The following CCSER1 variants were observed in gnomAD, a reference collection of about 807,000 sequenced individuals.
CCSER1 encodes serine-rich coiled-coil domain-containing protein 1.
CCSER1 carries 41 observed loss-of-function variants against 82.0 expected under a neutral mutation model. The observed-to-expected ratio is 0.50, with a 90% CI of 0.39 to 0.65. The LOEUF (loss-of-function observed/expected upper bound fraction) is 0.65. Among genes scored for constraint, CCSER1 ranks in the 30% least tolerant of loss-of-function variants. The probability of loss-of-function intolerance (pLI) is 0.00; values close to 1 mark genes in which losing one functional copy is unlikely to be tolerated. For synonymous variants in CCSER1, 414 were observed against 383.9 expected, an observed-to-expected ratio of 1.08 and a Z score of -0.92; for missense variants, 1,119 against 1,064.2, an observed-to-expected ratio of 1.05 and a Z score of -0.72.
chr4:90,922,404 A>T (rs757129959), intron 8 of CCSER1, among the ~76,000 whole-genome samples: 1 of 152,006 alleles, frequency 6.6e-6, no homozygotes, highest in Non-Finnish European at 1.5e-5. Context: ...AACCATTGTC[A>T]ATCCTGGGAA....
Position 91,103,225 on chromosome 4 carries a change from T to A in CCSER1, c.2217+17231T>A, listed in dbSNP as rs571513054. 1.1e-3 allele frequency among the ~76,000 whole-genome samples: 163 copies of A among 152,216 alleles called. 2 individuals are homozygous for A. The highest frequency in any genetic ancestry group is 3.7e-3 in the African/African-American group (155 of 41,530). Reference sequence around the variant, plus strand: ...ACATTAGGTCCATTCTCTGTTCACATCCTATCCTCCAAGCACTTTGAAACA... The same window carrying A: ...ACATTAGGTCCATTCTCTGTTCACAACCTATCCTCCAAGCACTTTGAAACA... On this transcript the variant is annotated intron_variant, in intron 10 of 10. Coordinates refer to ENST00000509176, the MANE Select transcript of CCSER1 (RefSeq NM_001145065.2).
intron 5 of CCSER1, among the ~76,000 whole-genome samples, chr4:90,490,173 T>C (rs1351338139): frequency 2.6e-5 from 4 of 152,140 alleles, no homozygotes; most frequent in African/African-American, 9.7e-5. Flanking sequence ...CCACATCCTC[T>C]CCAGCACCTG....
At chr4:90,424,592 T>C (rs1757271439) in intron 4 of CCSER1, among the ~76,000 whole-genome samples, 1 of 152,190 alleles carries the variant, frequency 6.6e-6, no homozygotes. Flanking sequence ...TATAAGATAC[T>C]ACACTTGAGA....
chr4:90,317,051 A>G (rs1736301093), intron 3 of CCSER1, among the ~76,000 whole-genome samples: 2 of 152,190 alleles, frequency 1.3e-5, no homozygotes, highest in African/African-American at 4.8e-5. Flanking sequence ...GTTCTAGAAA[A>G]AAGTTAAAGA....
intron 4 of CCSER1, among the ~76,000 whole-genome samples, chr4:90,462,641 C>T (rs772370999): frequency 1.3e-5 from 2 of 152,134 alleles, no homozygotes; most frequent in Non-Finnish European, 2.9e-5. Context: ...GAGGCTGAGG[C>T]AGGCGGATCG....
At chr4:90,476,854 G>T (rs1765188574) in intron 5 of CCSER1, among the ~76,000 whole-genome samples, 1 of 152,014 alleles carries the variant, frequency 6.6e-6, no homozygotes, top group Non-Finnish European at 1.5e-5. Context: ...ACCCTTCTTT[G>T]TACATTGAGC....
intron 10 of CCSER1, among the ~76,000 whole-genome samples, chr4:91,460,967 C>T (rs1446936541): frequency 6.6e-6 from 1 of 152,126 alleles, no homozygotes; most frequent in African/African-American, 2.4e-5. Context: ...CCCATTTTCC[C>T]TGGCTTCTAT....
At chr4:90,325,255 C>T (rs992945839) in intron 3 of CCSER1, among the ~76,000 whole-genome samples, 2 of 152,108 alleles carry the variant, frequency 1.3e-5, no homozygotes, top group African/African-American at 4.8e-5. Context: ...CATGTTGTAA[C>T]AATAGCAGTA....
intron 10 of CCSER1, among the ~76,000 whole-genome samples, chr4:91,278,295 A>G (rs1255105998): frequency 6.6e-6 from 1 of 151,996 alleles, no homozygotes; most frequent in Non-Finnish European, 1.5e-5. Flanking sequence ...AACTATTACT[A>G]TTATTGTATT....
At chr4:91,334,899 C>A (rs1747217001) in intron 10 of CCSER1, among the ~76,000 whole-genome samples, 1 of 151,664 alleles carries the variant, frequency 6.6e-6, no homozygotes, top group Non-Finnish European at 1.5e-5. Context: ...TCAGTAAAAA[C>A]TAACATGGGC....
intron 1 of CCSER1, among the ~76,000 whole-genome samples, chr4:90,293,350 A>G (rs1369171844): frequency 6.6e-6 from 1 of 151,622 alleles, no homozygotes; most frequent in Non-Finnish European, 1.5e-5. Context: ...TCAAGCTTTC[A>G]AGTTGAATCG....
intron 5 of CCSER1, among the ~76,000 whole-genome samples, chr4:90,621,775 G>A (rs908972005): frequency 6.6e-6 from 1 of 152,150 alleles, no homozygotes; most frequent in Admixed American, 6.5e-5. Context: ...TAATTTACTA[G>A]TAGGATCAAG....
At chr4:91,492,336 C>A (rs1425604659) in intron 10 of CCSER1, among the ~76,000 whole-genome samples, 1 of 152,076 alleles carries the variant, frequency 6.6e-6, no homozygotes, top group East Asian at 1.9e-4. Flanking sequence ...AAGGGAGTTG[C>A]TGAATCTCTT....
chr4:91,496,229 T>G (rs1235843373), intron 10 of CCSER1, among the ~76,000 whole-genome samples: 1 of 151,312 alleles, frequency 6.6e-6, no homozygotes, highest in Non-Finnish European at 1.5e-5. Context: ...AACAGAATCA[T>G]TAAACGTATT....
intron 1 of CCSER1, among the ~76,000 whole-genome samples, chr4:90,143,685 T>A (rs950579162): frequency 5.6e-5 from 4 of 71,508 alleles, no homozygotes; most frequent in Admixed American, 2.7e-4. Context: ...CCATTCCTAC[T>A]TTTTTTTTTT....
intron 10 of CCSER1, among the ~76,000 whole-genome samples, chr4:91,090,917 G>A (rs79405171): frequency 0.042 from 6,362 of 152,106 alleles, 201 homozygotes; most frequent in Non-Finnish European, 0.067. Flanking sequence ...TCCATTTTGG[G>A]TCCAAGGGGT....
chr4:90,467,218 C>T (rs931077242), intron 4 of CCSER1, among the ~76,000 whole-genome samples: 1 of 151,940 alleles, frequency 6.6e-6, no homozygotes, highest in African/African-American at 2.4e-5. Context: ...AACCCCGTCT[C>T]TACTAAAAAA....
At chr4:90,212,446 G>T (rs533700397) in intron 1 of CCSER1, among the ~76,000 whole-genome samples, 2 of 152,138 alleles carry the variant, frequency 1.3e-5, no homozygotes, top group African/African-American at 4.8e-5. Context: ...CATCAAGTTT[G>T]CTTTCTTTAT....
chr4:90,271,890 T>TTTTTTTTTTTTA (rs1553982851), intron 1 of CCSER1, among the ~76,000 whole-genome samples: 5 of 70,122 alleles, frequency 7.1e-5, no homozygotes, highest in Non-Finnish European at 1.1e-4. Context: ...TTTTTTTTTT[T>TTTTTTTTTTTTA]AAAAGGAGGT....
Sources: gnomAD v4.1 joint callset for allele counts (sites outside exome capture counted in the v4.1 genomes callset) on GRCh38, gnomAD v4.1.1 for gene constraint, MANE v1.5 for transcripts, NCBI Gene and HGNC (gene_info 2026-07-23, HGNC 2026-07-21) for gene names.